The following ERBIN variants were observed in gnomAD, a reference collection of about 807,000 sequenced individuals.
ERBIN encodes the protein erbb2 interacting protein.
In ERBIN, 60 loss-of-function variants were observed where a neutral mutation model predicts 158.4. That is an observed-to-expected ratio of 0.38 (90% CI 0.31 to 0.47). The LOEUF (loss-of-function observed/expected upper bound fraction) is 0.47, where lower values mean the gene tolerates loss of function less well. Among genes scored for constraint, ERBIN ranks in the 20% least tolerant of loss-of-function variants. ERBIN has a pLI of 0.99. For missense variants in ERBIN, 1,610 were observed against 1,648.0 expected (o/e 0.98, Z 0.40); for synonymous variants, 594 against 557.2 (o/e 1.07, Z -0.93).
At chr5:66,068,501 AAATT>A (rs1384164810) in intron 21 of ERBIN, among the ~76,000 whole-genome samples, 2 of 152,278 alleles carry the variant, frequency 1.3e-5, no homozygotes, top group East Asian at 1.9e-4. Context: ...TTATATAGAG[AAATT>A]AATTTCTGTT....
chr5:66,048,601 C>CT, intron 18 of ERBIN, 66 bp from the exon 19 acceptor site: 2 of 858,212 alleles, frequency 2.3e-6, no homozygotes, highest in Non-Finnish European at 3.7e-6. Flanking sequence ...AGTCTTATGA[C>CT]TTAATATTTA....
chr5:66,029,660 A>G (rs1359266061), intron 14 of ERBIN, among the ~76,000 whole-genome samples: 1 of 151,988 alleles, frequency 6.6e-6, no homozygotes, highest in African/African-American at 2.4e-5. Context: ...GCTGGAGTGC[A>G]GTGACGTGAC....
Position 66,077,083 on chromosome 5 carries a change from G to A in ERBIN, c.4131+134G>A, listed in dbSNP as rs1561463846. The A allele has an allele frequency of 1.5e-5, 9 of 587,570 alleles. No individual in the cohort carries two copies. In the Admixed American group the frequency reaches 1.5e-4, roughly 10 times the overall value. 36.4% of individuals were successfully genotyped at this position (587,570 alleles called of 1,614,324 possible). A position where few individuals can be genotyped will look rare whatever the true frequency, so the allele number is the denominator to read the frequency against. On this transcript the variant is annotated intron_variant, in intron 25 of 25. Coordinates refer to ENST00000284037, the MANE Select transcript of ERBIN (RefSeq NM_001253697.2). The stretch of plus-strand genomic sequence containing the variant: ...GGAGAATGGCGTGAACCCGGGAGGC[G>A]GCACTTGCAGCGAGCCGAGATCGCG...
chr5:66,050,226 C>CTTTTTTTTTTTTTTTT (rs869119758), intron 19 of ERBIN, among the ~76,000 whole-genome samples: 1 of 9,738 alleles, frequency 1.0e-4, no homozygotes. Context: ...AAATCGAATT[C>CTTTTTTTTTTTTTTTT]TTTTTTTTTT....
At chr5:65,935,113 C>G (rs376006326) in intron 1 of ERBIN, among the ~76,000 whole-genome samples, 1 of 152,048 alleles carries the variant, frequency 6.6e-6, no homozygotes, top group Non-Finnish European at 1.5e-5. Context: ...TTTTTATGTA[C>G]TTACACATAT....
chr5:66,047,558 A>G (rs1187957048), intron 18 of ERBIN, among the ~76,000 whole-genome samples: 1 of 152,000 alleles, frequency 6.6e-6, no homozygotes. Context: ...TTTTAATATG[A>G]ATATCTGAAG....
intron 15 of ERBIN, among the ~76,000 whole-genome samples, 179 bp downstream of exon 15, chr5:66,038,661 TATAAGTGTAGC>T (rs1364074256): frequency 7.2e-5 from 11 of 152,110 alleles, no homozygotes; most frequent in Admixed American, 5.9e-4. Flanking sequence ...AATTTAGAAG[TATAAGTGTAGC>T]ATATGCTTCC....
At chr5:66,063,262 G>A (rs528624319) in intron 21 of ERBIN, among the ~76,000 whole-genome samples, 182 of 152,260 alleles carry the variant, frequency 1.2e-3, no homozygotes, top group African/African-American at 3.9e-3. Flanking sequence ...CCCCAGCCTC[G>A]CTGTGGCCTT....
chr5:66,050,913 C>G lies in ERBIN; in HGVS notation c.2034C>G (p.Thr678=), dbSNP rs779120145. 1 of 1,605,914 alleles carries G rather than the reference C, an allele frequency of 6.2e-7. No homozygotes were observed. Among genetic ancestry groups the G allele is most frequent in the Non-Finnish European group, 8.5e-7 (1 of 1,177,726 alleles). The change falls in exon 20 of 26, where the codon ACC becomes ACG. Residue 678 remains threonine, a synonymous_variant. Coordinates refer to ENST00000284037, the MANE Select transcript of ERBIN (RefSeq NM_001253697.2). ...VSLNTDSSQD[T]SLCSPVKQTH... is the part of the protein sequence containing the mutation. Reference sequence around the variant, plus strand: ...TTAATACTGATAGTAGTCAAGACACCTCACTCTGCTCTCCAGTGAAACAAA... The same window carrying G: ...TTAATACTGATAGTAGTCAAGACACGTCACTCTGCTCTCCAGTGAAACAAA...
At chr5:65,966,065 G>A (rs2150972467) in intron 1 of ERBIN, among the ~76,000 whole-genome samples, 1 of 152,274 alleles carries the variant, frequency 6.6e-6, no homozygotes, top group South Asian at 2.1e-4. Context: ...CTGTAAAATT[G>A]TTTAATATAC....
Position 66,012,093 on chromosome 5 carries a change from A to G in ERBIN, c.352A>G (p.Thr118Ala). Residue 118 changes from threonine (T) to alanine (A), a missense_variant, in exon 5 of 26, where the codon ACA (threonine) becomes GCA (alanine). Coordinates refer to ENST00000284037, the MANE Select transcript of ERBIN (RefSeq NM_001253697.2). ...PENIKNCKVLTIVEASVNPIS... is the reference protein window; with the variant it reads ...PENIKNCKVLAIVEASVNPIS... Reference sequence around the variant, plus strand: ...AAATATAAAAAATTGTAAAGTTTTGACAATTGTGGAGGCCAGTGTAAACCC... The same window carrying G: ...AAATATAAAAAATTGTAAAGTTTTGGCAATTGTGGAGGCCAGTGTAAACCC... 1 of 1,607,496 alleles carries G rather than the reference A, an allele frequency of 6.2e-7. No homozygotes were observed. The highest frequency in any genetic ancestry group is 1.3e-5 in the African/African-American group (1 of 74,784).
chr5:65,967,559 C>G (rs749019998), intron 1 of ERBIN, among the ~76,000 whole-genome samples: 1 of 152,116 alleles, frequency 6.6e-6, no homozygotes, highest in Non-Finnish European at 1.5e-5. Context: ...ACCATATAGC[C>G]TAGAGGTGTA....
At chr5:66,028,829 C>A (rs546023013) in intron 14 of ERBIN, among the ~76,000 whole-genome samples, 1 of 152,248 alleles carries the variant, frequency 6.6e-6, no homozygotes, top group South Asian at 2.1e-4. Context: ...CAGAATCCAC[C>A]ATTTTACTCT....
At chr5:66,012,694 C>T (rs1388988413) in intron 5 of ERBIN, among the ~76,000 whole-genome samples, 1 of 152,100 alleles carries the variant, frequency 6.6e-6, no homozygotes, top group Non-Finnish European at 1.5e-5. Context: ...CAAAAGATGA[C>T]TAGAAAGAAG....
intron 15 of ERBIN, among the ~76,000 whole-genome samples, chr5:66,041,115 G>C (rs1160787349): frequency 6.6e-6 from 1 of 151,948 alleles, no homozygotes; most frequent in East Asian, 1.9e-4. Flanking sequence ...GGAAGTGGTA[G>C]TGATTAATGT....
At chr5:65,961,587 G>A (rs1209379286) in intron 1 of ERBIN, among the ~76,000 whole-genome samples, 2 of 152,140 alleles carry the variant, frequency 1.3e-5, no homozygotes, top group Admixed American at 6.5e-5. Context: ...ACATTAGCTA[G>A]CAGTTAAAGT....
At position 66,045,529 on chromosome 5, in the gene ERBIN, A is replaced by C. The variant is rs1263275969; in HGVS notation, c.1603-824A>C. ...AAGCTATACTGTCTAGGTTTGTGTA[A>C]GTACACTCTGTGATGTTCACAGAGG... On this transcript the variant is annotated intron_variant, in intron 17 of 25. Coordinates refer to ENST00000284037, the MANE Select transcript of ERBIN (RefSeq NM_001253697.2). Among the ~76,000 whole-genome samples, 3 of 149,980 alleles carry C rather than the reference A, an allele frequency of 2.0e-5. No individual in the cohort carries two copies. The East Asian group carries it at 5.8e-4, about 29-fold the overall frequency.
chr5:65,991,540 G>A (rs1007505638), intron 2 of ERBIN, among the ~76,000 whole-genome samples: 2 of 152,068 alleles, frequency 1.3e-5, no homozygotes, highest in Admixed American at 1.3e-4. Context: ...TGTGGTGTTT[G>A]ATTTTTTTGG....
At chr5:66,007,701 A>G (rs569095272) in intron 4 of ERBIN, among the ~76,000 whole-genome samples, 1 of 152,352 alleles carries the variant, frequency 6.6e-6, no homozygotes, top group South Asian at 2.1e-4. Flanking sequence ...TTAGCTTCTC[A>G]TGAAAAAGGA....
Sources: gnomAD v4.1 joint callset for allele counts (sites outside exome capture counted in the v4.1 genomes callset) on GRCh38, gnomAD v4.1.1 for gene constraint, MANE v1.5 for transcripts, NCBI Gene and HGNC (gene_info 2026-07-23, HGNC 2026-07-21) for gene names.